The following VOPP1 variants were observed in gnomAD, a reference collection of about 807,000 sequenced individuals.
VOPP1 encodes the protein VOPP1 WW domain binding protein.
VOPP1 carries 8 observed loss-of-function variants against 23.5 expected under a neutral mutation model. That is an observed-to-expected ratio of 0.34 (90% CI 0.20 to 0.61). VOPP1 has a LOEUF of 0.61. Among genes scored for constraint, VOPP1 ranks in the 20% least tolerant of loss-of-function variants. VOPP1 has a pLI of 0.78. For synonymous variants in VOPP1, 83 were observed against 97.3 expected, an observed-to-expected ratio of 0.85 and a Z score of 0.86; for missense variants, 174 against 238.1, an observed-to-expected ratio of 0.73 and a Z score of 1.77.
chr7:55,502,385 C>G (rs774308633), intron 2 of VOPP1, among the ~76,000 whole-genome samples: 15 of 152,262 alleles, frequency 9.9e-5, no homozygotes, highest in Non-Finnish European at 1.9e-4. Context: ...AACTGATTAT[C>G]TCTTTCTTCT....
chr7:55,561,153 G>C (rs894210773), intron 1 of VOPP1, among the ~76,000 whole-genome samples: 10 of 152,072 alleles, frequency 6.6e-5, no homozygotes, highest in Non-Finnish European at 1.2e-4. Flanking sequence ...ATGACCTGGA[G>C]GCCCAGGTCC....
chr7:55,555,958 T>C (rs1797786540), intron 1 of VOPP1, among the ~76,000 whole-genome samples: 1 of 152,212 alleles, frequency 6.6e-6, no homozygotes, highest in South Asian at 2.1e-4. Flanking sequence ...TGTTTTCTTT[T>C]CCATGTGTTC....
At chr7:55,515,131 A>G (rs1006694134) in intron 2 of VOPP1, among the ~76,000 whole-genome samples, 2 of 152,134 alleles carry the variant, frequency 1.3e-5, no homozygotes, top group Admixed American at 1.3e-4. Context: ...AAGTCCTCTC[A>G]GGGGTGGTGG....
intron 1 of VOPP1, among the ~76,000 whole-genome samples, chr7:55,537,958 C>T (rs1796900104): frequency 6.6e-6 from 1 of 152,218 alleles, no homozygotes. Context: ...TGCCCACCTG[C>T]CATTCCTCTC....
At chr7:55,545,771 TC>T (rs1462633154) in intron 1 of VOPP1, among the ~76,000 whole-genome samples, 4 of 151,964 alleles carry the variant, frequency 2.6e-5, no homozygotes, top group Non-Finnish European at 5.9e-5. Flanking sequence ...GAGCTGCAGC[TC>T]TTGTGTTTAA....
intron 1 of VOPP1, among the ~76,000 whole-genome samples, chr7:55,522,620 A>G (rs1428552863): frequency 1.3e-5 from 2 of 152,168 alleles, no homozygotes; most frequent in Admixed American, 1.3e-4. Flanking sequence ...CCGACAGCCA[A>G]ACATTCCTGG....
intron 1 of VOPP1, among the ~76,000 whole-genome samples, chr7:55,557,592 C>A (rs1312164689): frequency 6.6e-6 from 1 of 152,152 alleles, no homozygotes; most frequent in African/African-American, 2.4e-5. Flanking sequence ...CTAACACCAA[C>A]CCCACCCAAA....
chr7:55,527,864 A>G (rs1456398976), intron 1 of VOPP1, among the ~76,000 whole-genome samples: 2 of 152,238 alleles, frequency 1.3e-5, no homozygotes, highest in Non-Finnish European at 2.9e-5. Flanking sequence ...ACCAAATATA[A>G]ATTACAATAG....
intron 4 of VOPP1, among the ~76,000 whole-genome samples, chr7:55,488,305 CT>C (rs1793295872): frequency 6.6e-6 from 1 of 152,194 alleles, no homozygotes; most frequent in Admixed American, 6.5e-5. Context: ...TCTTAACTCC[CT>C]GACCAGGGCC....
chr7:55,449,582 G>C (rs1791190973), intron 4 of VOPP1, among the ~76,000 whole-genome samples: 1 of 152,236 alleles, frequency 6.6e-6, no homozygotes, highest in African/African-American at 2.4e-5. Flanking sequence ...CCCAGGCGCA[G>C]GGGAACCCTG....
At chr7:55,463,715 T>C (rs1224785818) in intron 4 of VOPP1, among the ~76,000 whole-genome samples, 2 of 152,146 alleles carry the variant, frequency 1.3e-5, no homozygotes, top group South Asian at 4.1e-4. Context: ...TCCCCAGCAG[T>C]GTGCATGACC....
At chr7:55,443,218 G>A (rs1298676181) in intron 4 of VOPP1, among the ~76,000 whole-genome samples, 1 of 152,120 alleles carries the variant, frequency 6.6e-6, no homozygotes, top group African/African-American at 2.4e-5. Context: ...GAAATCTCAT[G>A]CTATGAACCT....
intron 3 of VOPP1, among the ~76,000 whole-genome samples, chr7:55,493,843 T>C (rs1400689785): frequency 1.3e-5 from 2 of 152,224 alleles, no homozygotes; most frequent in Admixed American, 1.3e-4. Flanking sequence ...AAAATATACA[T>C]AAATATAATT....
At chr7:55,482,482 A>ATTTTTTT (rs71031859) in intron 4 of VOPP1, among the ~76,000 whole-genome samples, 5 of 132,826 alleles carry the variant, frequency 3.8e-5, no homozygotes, top group Admixed American at 7.7e-5. Context: ...CACCTGGCTA[A>ATTTTTTT]TTTTTTTTTT....
intron 2 of VOPP1, among the ~76,000 whole-genome samples, chr7:55,506,554 C>G (rs1417570406): frequency 6.6e-6 from 1 of 151,510 alleles, no homozygotes; most frequent in Non-Finnish European, 1.5e-5. Flanking sequence ...CCAGGCTGGT[C>G]TCAAACTCCT....
intron 1 of VOPP1, among the ~76,000 whole-genome samples, chr7:55,569,619 A>C (rs1279053292): frequency 6.6e-6 from 1 of 152,230 alleles, no homozygotes; most frequent in African/African-American, 2.4e-5. Context: ...AATTGCTAGC[A>C]GGATTAATGA....
At chr7:55,516,262 A>T (rs945888590) in intron 2 of VOPP1, among the ~76,000 whole-genome samples, 1 of 152,220 alleles carries the variant, frequency 6.6e-6, no homozygotes. Flanking sequence ...AGGGAACAGG[A>T]ATGTGTTGCT....
chr7:55,541,734 CA>C (rs1797140169), intron 1 of VOPP1, among the ~76,000 whole-genome samples: 1 of 152,188 alleles, frequency 6.6e-6, no homozygotes, highest in Admixed American at 6.5e-5. Context: ...AATGGATAAC[CA>C]AATGTGGTGT....
chr7:55,518,002 C>T (rs550323185), intron 2 of VOPP1, among the ~76,000 whole-genome samples: 2 of 152,314 alleles, frequency 1.3e-5, no homozygotes, highest in South Asian at 2.1e-4. Flanking sequence ...AGGACACTGT[C>T]GTCCCTCGCA....
Sources: gnomAD v4.1 joint callset for allele counts (sites outside exome capture counted in the v4.1 genomes callset) on GRCh38, gnomAD v4.1.1 for gene constraint, MANE v1.5 for transcripts, NCBI Gene and HGNC (gene_info 2026-07-23, HGNC 2026-07-21) for gene names.